The following BMAL1 variants were observed in gnomAD, a reference collection of about 807,000 sequenced individuals.
BMAL1 encodes the protein basic helix-loop-helix ARNT-like protein 1.
chr11:13,356,775 A>C, the BMAL1 span: 8 of 1,614,022 alleles, frequency 5.0e-6, no homozygotes. Flanking sequence ...ACCCTCATGG[A>C]AGGTACCATG....
chr11:13,326,739 A>C, the BMAL1 span, among the ~76,000 whole-genome samples: 2 of 138,198 alleles, frequency 1.4e-5, no homozygotes, highest in African/African-American at 5.3e-5. Flanking sequence ...ATATATATAT[A>C]TCTTCTATAT....
At chr11:13,366,700 G>C in the BMAL1 span, 2 of 1,613,988 alleles carry the variant, frequency 1.2e-6, no homozygotes, top group African/African-American at 2.7e-5. Flanking sequence ...TTGACTACCT[G>C]CATCCTAAAG....
chr11:13,336,127 T>C, the BMAL1 span, among the ~76,000 whole-genome samples: 34 of 152,332 alleles, frequency 2.2e-4, no homozygotes, highest in African/African-American at 7.7e-4. Context: ...CATAAGGATA[T>C]GTAGTAGAAG....
the BMAL1 span, among the ~76,000 whole-genome samples, chr11:13,290,464 A>G: frequency 6.6e-6 from 1 of 152,200 alleles, no homozygotes; most frequent in Non-Finnish European, 1.5e-5. Flanking sequence ...TGGGGGATTC[A>G]TGGCTGAGCC....
chr11:13,384,685 A>G, the BMAL1 span, among the ~76,000 whole-genome samples: 5 of 152,244 alleles, frequency 3.3e-5, no homozygotes, highest in African/African-American at 4.8e-5. Flanking sequence ...ATGAGAATCC[A>G]GTTGAAAATT....
chr11:13,339,636 T>C, the BMAL1 span, among the ~76,000 whole-genome samples: 2 of 152,156 alleles, frequency 1.3e-5, no homozygotes, highest in African/African-American at 4.8e-5. Context: ...CCCAGGTCGC[T>C]GGTCCCCTAG....
the BMAL1 span, among the ~76,000 whole-genome samples, chr11:13,330,285 G>C: frequency 2.0e-5 from 3 of 152,178 alleles, no homozygotes; most frequent in African/African-American, 7.2e-5. Context: ...GAATTTGGCT[G>C]TGAGTGTCTG....
At chr11:13,333,974 G>A in the BMAL1 span, among the ~76,000 whole-genome samples, 7 of 152,164 alleles carry the variant, frequency 4.6e-5, no homozygotes, top group Non-Finnish European at 7.3e-5. Context: ...CTATGGCATG[G>A]CAGTCAGTAT....
At chr11:13,284,236 A>G in the BMAL1 span, among the ~76,000 whole-genome samples, 463 of 2,180 alleles carry the variant, frequency 0.21, 85 homozygotes, top group Middle Eastern at 0.33. Context: ...ATGTGTGTGT[A>G]TATATATATA....
At chr11:13,285,351 A>G in the BMAL1 span, among the ~76,000 whole-genome samples, 4,777 of 152,300 alleles carry the variant, frequency 0.031, 218 homozygotes, top group East Asian at 0.17. Flanking sequence ...CTGAGGATAC[A>G]GCAGTGAACA....
the BMAL1 span, among the ~76,000 whole-genome samples, chr11:13,342,386 G>T: frequency 6.6e-6 from 1 of 152,158 alleles, no homozygotes; most frequent in Non-Finnish European, 1.5e-5. Flanking sequence ...TCAGCAGGGG[G>T]AGGGGAGGGT....
At chr11:13,353,723 G>A in the BMAL1 span, among the ~76,000 whole-genome samples, 1 of 152,198 alleles carries the variant, frequency 6.6e-6, no homozygotes, top group Admixed American at 6.5e-5. Flanking sequence ...CGTTTTGGAT[G>A]GCTGAGGCAC....
At chr11:13,295,476 T>G in the BMAL1 span, among the ~76,000 whole-genome samples, 2 of 152,116 alleles carry the variant, frequency 1.3e-5, no homozygotes, top group South Asian at 4.1e-4. Flanking sequence ...TGTCCCTGAT[T>G]GCAAGGTCTG....
At chr11:13,323,703 G>A in the BMAL1 span, among the ~76,000 whole-genome samples, 1 of 152,160 alleles carries the variant, frequency 6.6e-6, no homozygotes, top group East Asian at 1.9e-4. Flanking sequence ...TGCAACCTCC[G>A]CCTCCCGGGT....
the BMAL1 span, among the ~76,000 whole-genome samples, chr11:13,350,223 G>A: frequency 6.6e-6 from 1 of 152,188 alleles, no homozygotes; most frequent in Non-Finnish European, 1.5e-5. Flanking sequence ...GTCAAAAAAG[G>A]GAGTGGGGGA....
At chr11:13,295,087 GGCACTGGGCCAT>G in the BMAL1 span, among the ~76,000 whole-genome samples, 1 of 152,130 alleles carries the variant, frequency 6.6e-6, no homozygotes, top group African/African-American at 2.4e-5. Flanking sequence ...CCTGGGGGAA[GGCACTGGGCCAT>G]CTGTCCAGCA....
At chr11:13,364,593 C>T in the BMAL1 span, among the ~76,000 whole-genome samples, 1 of 152,246 alleles carries the variant, frequency 6.6e-6, no homozygotes, top group South Asian at 2.1e-4. Context: ...GTGGGGCACA[C>T]CCTCCTTGTC....
chr11:13,320,609 GC>G, the BMAL1 span, among the ~76,000 whole-genome samples: 4 of 152,222 alleles, frequency 2.6e-5, no homozygotes, highest in African/African-American at 9.7e-5. Context: ...TTTGTCAGGT[GC>G]CTCTCAGATG....
the BMAL1 span, chr11:13,372,320 A>T: frequency 2.5e-5 from 40 of 1,614,120 alleles, no homozygotes; most frequent in Non-Finnish European, 3.2e-5. Flanking sequence ...ATGTAGTTCC[A>T]CAACCAGTGA....
Sources: gnomAD v4.1 joint callset for allele counts (sites outside exome capture counted in the v4.1 genomes callset) on GRCh38, gnomAD v4.1.1 for gene constraint, MANE v1.5 for transcripts, NCBI Gene and HGNC (gene_info 2026-07-23, HGNC 2026-07-21) for gene names.